Variants in SCHIP1 observed in about 807,000 individuals in gnomAD.
SCHIP1 encodes the protein schwannomin-interacting protein 1.
Under a neutral mutation model 29.7 loss-of-function variants are expected in SCHIP1, and 8 were observed. That is an observed-to-expected ratio of 0.27 (90% confidence interval 0.16 to 0.49). SCHIP1 has a LOEUF of 0.49. Among genes scored for constraint, SCHIP1 ranks in the 20% least tolerant of loss-of-function variants. SCHIP1 has a pLI of 0.99. For synonymous variants in SCHIP1, 76 were observed against 94.9 expected (o/e 0.80, Z 1.16); for missense variants, 193 against 294.6 (o/e 0.66, Z 2.52).
the SCHIP1 span, among the ~76,000 whole-genome samples, chr3:159,740,097 AG>A: frequency 6.6e-6 from 1 of 152,218 alleles, no homozygotes; most frequent in African/African-American, 2.4e-5. Context: ...GCACCTCCAC[AG>A]CAAGTGGCCC....
At chr3:159,398,887 G>C in the SCHIP1 span, 3 of 807,802 alleles carry the variant, frequency 3.7e-6, no homozygotes, top group Non-Finnish European at 4.5e-6. Context: ...CACCCAAGTA[G>C]AAACGTCCTG....
At chr3:159,520,191 G>C in the SCHIP1 span, among the ~76,000 whole-genome samples, 1 of 152,040 alleles carries the variant, frequency 6.6e-6, no homozygotes, top group African/African-American at 2.4e-5. Flanking sequence ...GACGGAGGTA[G>C]GCACAGAAGA....
the SCHIP1 span, among the ~76,000 whole-genome samples, chr3:159,699,290 A>T: frequency 6.6e-6 from 1 of 152,176 alleles, no homozygotes; most frequent in African/African-American, 2.4e-5. Flanking sequence ...CAAACTATGA[A>T]ATTGGGACTT....
the SCHIP1 span, among the ~76,000 whole-genome samples, chr3:159,455,632 A>G: frequency 6.6e-6 from 1 of 152,254 alleles, no homozygotes; most frequent in South Asian, 2.1e-4. Context: ...CAGCAAGATT[A>G]TGTAACTTGT....
the SCHIP1 span, among the ~76,000 whole-genome samples, chr3:159,607,133 A>T: frequency 3.3e-5 from 5 of 152,170 alleles, no homozygotes; most frequent in Non-Finnish European, 5.9e-5. Context: ...TTTTCTTTCT[A>T]GTGCCATTTT....
chr3:159,816,254 G>T, the SCHIP1 span, among the ~76,000 whole-genome samples: 4 of 151,874 alleles, frequency 2.6e-5, no homozygotes, highest in African/African-American at 9.7e-5. Context: ...GCCTGCCTCT[G>T]GTCCTTTTTT....
the SCHIP1 span, among the ~76,000 whole-genome samples, chr3:159,299,678 G>T: frequency 2.0e-5 from 3 of 152,168 alleles, no homozygotes; most frequent in African/African-American, 7.2e-5. Context: ...GTCTGGATGG[G>T]TTGCTCTGGT....
the SCHIP1 span, among the ~76,000 whole-genome samples, chr3:159,319,119 A>C: frequency 6.6e-6 from 1 of 152,058 alleles, no homozygotes; most frequent in East Asian, 1.9e-4. Context: ...CCAAATAATT[A>C]CAATTGATAG....
chr3:159,884,537 G>C (rs1455101886), intron 2 of SCHIP1, among the ~76,000 whole-genome samples: 1 of 152,140 alleles, frequency 6.6e-6, no homozygotes, highest in Admixed American at 6.5e-5. Flanking sequence ...AGCAGTATTA[G>C]AGTAAGTGAC....
At chr3:159,339,593 TC>T in the SCHIP1 span, among the ~76,000 whole-genome samples, 1 of 152,196 alleles carries the variant, frequency 6.6e-6, no homozygotes, top group Non-Finnish European at 1.5e-5. Flanking sequence ...AGAAAAAAGT[TC>T]CCTTGGGTAA....
At chr3:159,845,789 T>C (rs1408427969) in intron 1 of SCHIP1, 2 of 152,220 alleles carry the variant, frequency 1.3e-5, no homozygotes, top group Admixed American at 1.3e-4. Context: ...AATTGCACTT[T>C]ATGCAATTGT....
At chr3:159,273,707 T>C in the SCHIP1 span, 326 of 1,507,674 alleles carry the variant, frequency 2.2e-4, no homozygotes, top group Non-Finnish European at 2.8e-4. Context: ...GTTATAGAAA[T>C]TTTTTAGACA....
At chr3:159,618,532 A>T in the SCHIP1 span, among the ~76,000 whole-genome samples, 1,863 of 152,296 alleles carry the variant, frequency 0.012, 38 homozygotes, top group African/African-American at 0.042. Flanking sequence ...TACGGAAGAA[A>T]ATTTGTGCAA....
the SCHIP1 span, among the ~76,000 whole-genome samples, chr3:159,597,915 G>A: frequency 3.5e-4 from 54 of 152,256 alleles, no homozygotes; most frequent in East Asian, 6.8e-3. Flanking sequence ...GGCTGGAAAG[G>A]CCTCAGTAAA....
the SCHIP1 span, among the ~76,000 whole-genome samples, chr3:159,491,012 C>T: frequency 6.6e-6 from 1 of 152,126 alleles, no homozygotes; most frequent in African/African-American, 2.4e-5. Context: ...TGTTTATGAA[C>T]TCATTAAAAT....
upstream of SCHIP1, among the ~76,000 whole-genome samples, chr3:159,835,343 C>T (rs565234573): frequency 1.3e-5 from 2 of 152,250 alleles, no homozygotes; most frequent in South Asian, 4.1e-4. Flanking sequence ...CTGGAAGGGG[C>T]ATATGAAACT....
the SCHIP1 span, among the ~76,000 whole-genome samples, chr3:159,710,169 CAA>C: frequency 6.2e-3 from 944 of 152,220 alleles, 11 homozygotes; most frequent in African/African-American, 0.022. Context: ...TCACAACAGC[CAA>C]GATATAGAAC....
intron 1 of SCHIP1, among the ~76,000 whole-genome samples, chr3:159,857,921 G>A (rs1713576548): frequency 6.6e-6 from 1 of 152,102 alleles, no homozygotes; most frequent in African/African-American, 2.4e-5. Flanking sequence ...TGTTAAGCAG[G>A]GTCTTCTTGA....
At chr3:159,440,785 C>T in the SCHIP1 span, among the ~76,000 whole-genome samples, 2 of 152,136 alleles carry the variant, frequency 1.3e-5, no homozygotes, top group African/African-American at 4.8e-5. Flanking sequence ...GTTATAGTTA[C>T]CATTGCTTAC....
Sources: gnomAD v4.1 joint callset for allele counts (sites outside exome capture counted in the v4.1 genomes callset) on GRCh38, gnomAD v4.1.1 for gene constraint, MANE v1.5 for transcripts, NCBI Gene and HGNC (gene_info 2026-07-23, HGNC 2026-07-21) for gene names.